BBOX1: variants seen among roughly 807,000 people sequenced by gnomAD.
BBOX1 encodes the protein gamma-butyrobetaine hydroxylase 1.
A neutral mutation model predicts 41.6 loss-of-function variants in BBOX1; 35 were observed. The observed-to-expected ratio is 0.84, with a 90% CI of 0.64 to 1.11. BBOX1 has a LOEUF of 1.11. Among genes scored for constraint, BBOX1 ranks in the 50% most tolerant of loss-of-function variants. The pLI, the probability that BBOX1 is intolerant of heterozygous loss-of-function variation, is 0.00. For missense variants in BBOX1, 458 were observed against 460.6 expected (o/e 0.99, Z 0.05); for synonymous variants, 163 against 154.7 (o/e 1.05, Z -0.40).
At chr11:27,078,203 C>T (rs530374361) in intron 4 of BBOX1, among the ~76,000 whole-genome samples, 1 of 152,214 alleles carries the variant, frequency 6.6e-6, no homozygotes, top group African/African-American at 2.4e-5. Context: ...ATGTTTATCC[C>T]TAAACCAAGC....
chr11:27,043,689 C>T (rs1265418720), intron 2 of BBOX1, among the ~76,000 whole-genome samples: 3 of 152,166 alleles, frequency 2.0e-5, no homozygotes, highest in East Asian at 1.9e-4. Flanking sequence ...TGAGAACATG[C>T]AGTATTTGGT....
chr11:27,089,819 A>T (rs941641856), intron 4 of BBOX1, among the ~76,000 whole-genome samples: 6 of 152,000 alleles, frequency 3.9e-5, no homozygotes, highest in Non-Finnish European at 8.8e-5. Context: ...TGCCCTTAAC[A>T]CTGATGTTTT....
chr11:27,074,724 T>G (rs866824565), intron 4 of BBOX1, among the ~76,000 whole-genome samples: 2 of 152,184 alleles, frequency 1.3e-5, no homozygotes, highest in Admixed American at 6.5e-5. Context: ...AGAGATTAGC[T>G]AAAACTGATA....
At position 27,060,297 on chromosome 11, in the gene BBOX1, A is replaced by C. The variant is rs77303649; in HGVS notation, c.334+2982A>C. ...CTTATCTGTTTCTCCTGCTTTTGCTATGTGATCTGCCTGCTCCCCCTTTCA... is the reference window on the plus strand; with the variant it reads ...CTTATCTGTTTCTCCTGCTTTTGCTCTGTGATCTGCCTGCTCCCCCTTTCA... On this transcript the variant is annotated intron_variant, in intron 4 of 8. Transcript: ENST00000263182. Among the ~76,000 whole-genome samples, 218 of 152,150 alleles carry C rather than the reference A, an allele frequency of 1.4e-3. 1 individual carries two copies. Among genetic ancestry groups the C allele is most frequent in the African/African-American group, 5.2e-3 (215 of 41,504 alleles).
At chr11:27,093,456 G>T in intron 5 of BBOX1, 90 bp downstream of exon 5, 17 of 1,307,074 alleles carry the variant, frequency 1.3e-5, no homozygotes, top group Non-Finnish European at 1.7e-5. Context: ...TGAAGATACA[G>T]AAATTCTCAT....
In BBOX1 at chr11:27,109,086, G is replaced by A. The variant is rs533592239; in HGVS notation, c.534-6366G>A. ...GAGTTTACAGTCCAGAAGAGGAAGC[G>A]GAATTCTGTATTTGTGTATTTAAAT... On this transcript the variant is annotated intron_variant, in intron 5 of 8. Transcript: ENST00000263182. Among the ~76,000 whole-genome samples, 12 of 152,086 alleles carry A rather than the reference G, an allele frequency of 7.9e-5. No homozygotes were observed. In the South Asian group the frequency reaches 2.1e-3, roughly 26 times the overall value.
intron 7 of BBOX1, among the ~76,000 whole-genome samples, chr11:27,125,291 T>C (rs1439125802): frequency 6.6e-6 from 1 of 152,162 alleles, no homozygotes; most frequent in Admixed American, 6.5e-5. Context: ...ATGAAACACA[T>C]AGAACAATTG....
intron 5 of BBOX1, among the ~76,000 whole-genome samples, chr11:27,109,996 T>A (rs1433945103): frequency 1.3e-5 from 2 of 152,030 alleles, no homozygotes; most frequent in African/African-American, 4.8e-5. Context: ...AGATAATAAA[T>A]TTTTATATAG....
intron 4 of BBOX1, among the ~76,000 whole-genome samples, chr11:27,091,529 C>G (rs1204621320): frequency 6.6e-6 from 1 of 151,962 alleles, no homozygotes; most frequent in Non-Finnish European, 1.5e-5. Context: ...CCAACTTGCT[C>G]TGGTCTAATA....
chr11:27,079,813 T>C (rs778876229), intron 4 of BBOX1, among the ~76,000 whole-genome samples: 19 of 152,158 alleles, frequency 1.2e-4, no homozygotes, highest in Non-Finnish European at 2.4e-4. Context: ...CAACTGATGA[T>C]GGCAACTCCA....
At chr11:27,042,533 A>T (rs1046873094) in intron 2 of BBOX1, among the ~76,000 whole-genome samples, 2 of 152,044 alleles carry the variant, frequency 1.3e-5, no homozygotes, top group Admixed American at 6.6e-5. Context: ...TCTTTTGTAG[A>T]TATGGGGGTC....
intron 5 of BBOX1, among the ~76,000 whole-genome samples, chr11:27,093,712 G>T (rs1858331808): frequency 6.6e-6 from 1 of 151,918 alleles, no homozygotes; most frequent in Non-Finnish European, 1.5e-5. Flanking sequence ...CTAAGATCAA[G>T]GTTCTGGCAG....
At chr11:27,088,179 A>C (rs892693891) in intron 4 of BBOX1, among the ~76,000 whole-genome samples, 2 of 152,060 alleles carry the variant, frequency 1.3e-5, no homozygotes, top group African/African-American at 4.8e-5. Context: ...GTGTGCCCTA[A>C]TCAGATGCTT....
intron 4 of BBOX1, among the ~76,000 whole-genome samples, chr11:27,082,758 G>A (rs1266975038): frequency 3.3e-5 from 5 of 152,164 alleles, no homozygotes; most frequent in South Asian, 2.1e-4. Context: ...CTCAATAAAC[G>A]TTAGGTTCAT....
At chr11:27,067,053 A>G (rs963673832) in intron 4 of BBOX1, among the ~76,000 whole-genome samples, 8 of 152,164 alleles carry the variant, frequency 5.3e-5, no homozygotes, top group African/African-American at 1.9e-4. Flanking sequence ...ATATAATAAT[A>G]GTATATACTT....
chr11:27,071,655 G>A (rs1009427210), intron 4 of BBOX1, among the ~76,000 whole-genome samples: 2 of 152,128 alleles, frequency 1.3e-5, no homozygotes, highest in South Asian at 2.1e-4. Context: ...GATGAACATC[G>A]ATGCAAAAAT....
At chr11:27,117,812 T>C (rs1469831396) in intron 6 of BBOX1, among the ~76,000 whole-genome samples, 1 of 151,982 alleles carries the variant, frequency 6.6e-6, no homozygotes, top group Non-Finnish European at 1.5e-5. Context: ...CATTATTTTA[T>C]CTGACTCTTC....
intron 4 of BBOX1, among the ~76,000 whole-genome samples, chr11:27,070,249 A>G (rs540457432): frequency 2.8e-4 from 42 of 152,152 alleles, no homozygotes; most frequent in Non-Finnish European, 4.6e-4. Context: ...GTTATTGGGT[A>G]GAATGTTCTA....
rs539621823 is a variant in BBOX1, at chr11:27,086,599, A to G, written c.335-6569A>G. Among the ~76,000 whole-genome samples the G allele has an allele frequency of 8.5e-5, 13 of 152,268 alleles. No homozygotes were observed. The South Asian group carries it at 2.7e-3, about 32-fold the overall frequency. ...TCAAAAGCTCTTATTAAGATGTACA[A>G]GGAGATTGATGCTGTTTTTATGCCT... On this transcript the variant is annotated intron_variant, in intron 4 of 8. Coordinates refer to ENST00000263182, the MANE Select transcript of BBOX1 (RefSeq NM_003986.3).
Sources: allele counts gnomAD v4.1 joint callset (sites outside exome capture counted in the v4.1 genomes callset), GRCh38; gene constraint gnomAD v4.1.1; transcripts MANE v1.5; gene names NCBI Gene and HGNC (gene_info 2026-07-23, HGNC 2026-07-21).